Variants in GALNT2 observed in about 807,000 individuals in gnomAD.
GALNT2 encodes the protein UDP-GalNAc:polypeptide N-acetylgalactosaminyltransferase 2.
In GALNT2, 31 loss-of-function variants were observed where a neutral mutation model predicts 81.4. The observed-to-expected ratio is 0.38, with a 90% CI of 0.29 to 0.51. The LOEUF (loss-of-function observed/expected upper bound fraction) is 0.51, where lower values mean the gene tolerates loss of function less well. Ranked by LOEUF, GALNT2 falls within the 20% of genes least tolerant of loss-of-function variation. The probability of loss-of-function intolerance (pLI) is 0.87; values close to 1 mark genes in which losing one functional copy is unlikely to be tolerated. For synonymous variants in GALNT2, 303 were observed against 287.4 expected, an observed-to-expected ratio of 1.05 and a Z score of -0.55; for missense variants, 629 against 765.7, an observed-to-expected ratio of 0.82 and a Z score of 2.11.
intron 14 of GALNT2, among the ~76,000 whole-genome samples, chr1:230,269,817 A>G (rs1474974475): frequency 6.6e-6 from 1 of 152,174 alleles, no homozygotes; most frequent in Non-Finnish European, 1.5e-5. Context: ...GGATTGCTAA[A>G]GCCCAAGAGG....
intron 1 of GALNT2, among the ~76,000 whole-genome samples, chr1:230,092,184 T>TTGTTTTTTTTTTTTTTTTTTTTTTG (rs796379271): frequency 8.4e-6 from 1 of 119,602 alleles, no homozygotes; most frequent in Non-Finnish European, 1.7e-5. Context: ...TAGTTTTTTT[T>TTGTTTTTTTTTTTTTTTTTTTTTTG]TTTTTTTTTT....
At chr1:230,072,798 G>A (rs1462361784) in intron 1 of GALNT2, among the ~76,000 whole-genome samples, 4 of 152,210 alleles carry the variant, frequency 2.6e-5, no homozygotes, top group Non-Finnish European at 4.4e-5. Flanking sequence ...CCCATGTTCA[G>A]CAATCAAAGG....
At chr1:230,261,347 G>A (rs1665871644) in intron 11 of GALNT2, among the ~76,000 whole-genome samples, 1 of 152,148 alleles carries the variant, frequency 6.6e-6, no homozygotes, top group South Asian at 2.1e-4. Context: ...TTTAATAATG[G>A]TATCTCAGAT....
chr1:230,103,321 A>T (rs2102780249), intron 1 of GALNT2, among the ~76,000 whole-genome samples: 1 of 152,292 alleles, frequency 6.6e-6, no homozygotes, highest in South Asian at 2.1e-4. Flanking sequence ...TACTGTCTTC[A>T]CCTTAATATA....
chr1:230,248,861 T>TTATC (rs1665456136), intron 8 of GALNT2, among the ~76,000 whole-genome samples: 2 of 152,252 alleles, frequency 1.3e-5, no homozygotes, highest in South Asian at 4.2e-4. Context: ...CATGCCCTGG[T>TTATC]TATCACCACA....
At chr1:230,081,164 G>A (rs1360764194) in intron 1 of GALNT2, among the ~76,000 whole-genome samples, 2 of 152,154 alleles carry the variant, frequency 1.3e-5, no homozygotes, top group East Asian at 1.9e-4. Context: ...TGAGGATGAA[G>A]GGGCTCCTGC....
chr1:230,215,918 C>T (rs1035467413), intron 3 of GALNT2, among the ~76,000 whole-genome samples: 2 of 152,332 alleles, frequency 1.3e-5, no homozygotes, highest in African/African-American at 4.8e-5. Flanking sequence ...TTTTGTTACA[C>T]TTTGCTCTCA....
chr1:230,216,392 A>G (rs975209879), intron 3 of GALNT2, among the ~76,000 whole-genome samples: 1 of 152,206 alleles, frequency 6.6e-6, no homozygotes. Flanking sequence ...TTGTCAGTTT[A>G]TGGTACATTC....
intron 3 of GALNT2, among the ~76,000 whole-genome samples, chr1:230,211,579 G>A (rs1664235270): frequency 6.6e-6 from 1 of 152,114 alleles, no homozygotes; most frequent in African/African-American, 2.4e-5. Context: ...AGGATAGCTT[G>A]AGACCAACCT....
At chr1:230,091,216 G>A (rs901026968) in intron 1 of GALNT2, among the ~76,000 whole-genome samples, 1 of 151,008 alleles carries the variant, frequency 6.6e-6, no homozygotes, top group Admixed American at 6.6e-5. Flanking sequence ...TTACAGGTGT[G>A]TGTCACCACA....
At chr1:230,137,131 C>A (rs573330531) in intron 1 of GALNT2, among the ~76,000 whole-genome samples, 1 of 152,364 alleles carries the variant, frequency 6.6e-6, no homozygotes, top group South Asian at 2.1e-4. Flanking sequence ...TGTTCCCACC[C>A]CCGCCTGCAC....
In GALNT2 at chr1:230,279,541, A is replaced by G; in HGVS notation, c.*83A>G. On this transcript the variant is annotated 3_prime_UTR_variant, in exon 16 of 16. Coordinates refer to ENST00000366672, the MANE Select transcript of GALNT2 (RefSeq NM_004481.5). This position sits in a 1 kb window ranked among gnomAD's most constrained non-coding sequence, Gnocchi z 4.6. ...TCACATTATTGATTATGTTTCTTAA[A>G]CTTTCCGCGAAACTAATATACCTCA... 6.6e-7 allele frequency: 1 copy of G among 1,503,944 alleles called. No homozygotes were observed. The highest frequency in any genetic ancestry group is 9.0e-7 in the Non-Finnish European group (1 of 1,115,596). 93.2% of individuals were successfully genotyped at this position (1,503,944 alleles called of 1,614,324 possible). A position where few individuals can be genotyped will look rare whatever the true frequency, so the allele number is the denominator to read the frequency against.
At chr1:230,121,325 G>A (rs926124304) in intron 1 of GALNT2, among the ~76,000 whole-genome samples, 4 of 152,222 alleles carry the variant, frequency 2.6e-5, no homozygotes, top group Non-Finnish European at 5.9e-5. Context: ...CGTGGCGGGC[G>A]GTGGGGCAGG....
chr1:230,095,890 G>T (rs1214297138), intron 1 of GALNT2, among the ~76,000 whole-genome samples: 3 of 152,232 alleles, frequency 2.0e-5, no homozygotes, highest in South Asian at 2.1e-4. Context: ...GGAGGGAGAG[G>T]CCAAGGCCTC....
At chr1:230,268,815 C>A (rs147632335) in intron 14 of GALNT2, among the ~76,000 whole-genome samples, 7 of 152,330 alleles carry the variant, frequency 4.6e-5, no homozygotes, top group Non-Finnish European at 8.8e-5. Context: ...CCTCACCCCC[C>A]GGTCCTGCCC....
intron 1 of GALNT2, among the ~76,000 whole-genome samples, chr1:230,103,403 C>G (rs1449927185): frequency 1.3e-5 from 2 of 152,226 alleles, no homozygotes; most frequent in Non-Finnish European, 2.9e-5. Flanking sequence ...TAATTAGCCA[C>G]AGTGTTGAGC....
chr1:230,127,915 C>T (rs1258780178), intron 1 of GALNT2, among the ~76,000 whole-genome samples: 1 of 152,232 alleles, frequency 6.6e-6, no homozygotes, highest in East Asian at 1.9e-4. Context: ...CCTCAGTCCT[C>T]CCTGTGAAGC....
chr1:230,196,281 A>C (rs759275010), intron 2 of GALNT2, among the ~76,000 whole-genome samples: 2 of 152,112 alleles, frequency 1.3e-5, no homozygotes, highest in Non-Finnish European at 2.9e-5. Flanking sequence ...GACCCAGCCC[A>C]AGTGCCCTTT....
chr1:230,109,647 G>A (rs1224257842), intron 1 of GALNT2, among the ~76,000 whole-genome samples: 2 of 152,184 alleles, frequency 1.3e-5, no homozygotes, highest in Non-Finnish European at 1.5e-5. Context: ...GGTCAACATG[G>A]TGAAACCCCA....
Sources: gnomAD v4.1 joint callset for allele counts (sites outside exome capture counted in the v4.1 genomes callset) on GRCh38, gnomAD v4.1.1 for gene constraint, Gnocchi (gnomAD v3.1) non-coding constraint, MANE v1.5 for transcripts, NCBI Gene and HGNC (gene_info 2026-07-23, HGNC 2026-07-21) for gene names.